Variants in NCOR1 observed in about 807,000 individuals in gnomAD.
NCOR1 encodes the protein nuclear receptor corepressor 1, also known as protein phosphatase 1, regulatory subunit 109.
In NCOR1, 63 loss-of-function variants were observed where a neutral mutation model predicts 288.1. The ratio of observed to expected loss-of-function variants is 0.22; its 90% CI spans 0.18 to 0.27. The LOEUF is 0.27. NCOR1 is among the 10% of genes least tolerant of loss of function. NCOR1 has a pLI of 1.00. For missense variants in NCOR1, 2,397 were observed against 3,019.2 expected, an observed-to-expected ratio of 0.79 and a Z score of 4.83; for synonymous variants, 1,007 against 1,065.9, an observed-to-expected ratio of 0.94 and a Z score of 1.08.
chr17:16,048,380 G>A (rs1055787676), intron 41 of NCOR1, among the ~76,000 whole-genome samples: 4 of 152,180 alleles, frequency 2.6e-5, no homozygotes, highest in Admixed American at 6.5e-5. Context: ...AATCACTCAG[G>A]TGGAGGTATG....
intron 3 of NCOR1, among the ~76,000 whole-genome samples, chr17:16,182,322 G>A (rs530958751): frequency 3.1e-4 from 47 of 152,190 alleles, no homozygotes; most frequent in Admixed American, 1.8e-3. Context: ...GTAATAAAAT[G>A]TATACATATA....
chr17:16,127,263 A>G (rs139723908), intron 14 of NCOR1, among the ~76,000 whole-genome samples: 1,354 of 105,402 alleles, frequency 0.013, 215 homozygotes, highest in African/African-American at 0.042. Flanking sequence ...ATGTGTGTGT[A>G]TATATGTATG....
At chr17:16,151,470 G>T in intron 8 of NCOR1, 1 of 699,380 alleles carries the variant, frequency 1.4e-6, no homozygotes, top group Non-Finnish European at 2.2e-6. Context: ...GATTTCCCTA[G>T]AATAGGATTT....
chr17:16,071,811 G>T, intron 29 of NCOR1, 146 bp from the exon 30 acceptor site: 1 of 742,854 alleles, frequency 1.3e-6, no homozygotes. Context: ...ACATCTTGTA[G>T]TTTCTAATTA....
Position 16,098,356 on chromosome 17 carries a change from T to C in NCOR1, c.2820+11A>G. 1 of 1,612,436 alleles carries C rather than the reference T, an allele frequency of 6.2e-7. No individual in the cohort carries two copies. ...TCATATTTAGTTTTCTTCCTCACAA[T>C]AAAAACTTACCATTGGTGGGATAAC... On this transcript the variant is annotated intron_variant, in intron 21 of 45. Coordinates refer to ENST00000268712, the MANE Select transcript of NCOR1 (RefSeq NM_006311.4).
intron 29 of NCOR1, 137 bp downstream of exon 29, chr17:16,072,008 G>C: frequency 1.5e-6 from 1 of 673,716 alleles, no homozygotes; most frequent in Non-Finnish European, 2.4e-6. Flanking sequence ...CTCAGAGGCA[G>C]AAAAGTAATA....
At position 16,177,318 on chromosome 17, in the gene NCOR1, T is replaced by A. The variant is rs987904935; in HGVS notation, c.243-5323A>T. 2.0e-5 allele frequency among the ~76,000 whole-genome samples: 3 copies of A among 151,310 alleles called. No homozygotes were observed. In the South Asian group the frequency reaches 6.2e-4, roughly 31 times the overall value. ...TTTATATTATTAAGTTCTTTTATAG[T>A]GCATAGCACTTACGAGGCATGCTCT... is the stretch of plus-strand genomic sequence containing the variant. On this transcript the variant is annotated intron_variant, in intron 3 of 45. Transcript: ENST00000268712.
At chr17:16,191,090 C>T (rs1382165910) in intron 2 of NCOR1, among the ~76,000 whole-genome samples, 1 of 152,192 alleles carries the variant, frequency 6.6e-6, no homozygotes, top group African/African-American at 2.4e-5. Flanking sequence ...TAAGCCTATG[C>T]CTGAATTCTA....
At chr17:16,210,698 C>T (rs545318088) in intron 1 of NCOR1, among the ~76,000 whole-genome samples, 1 of 151,784 alleles carries the variant, frequency 6.6e-6, no homozygotes, top group East Asian at 1.9e-4. Context: ...GCTAAATATC[C>T]AAAGTAATCT....
At chr17:16,192,229 G>A (rs1403130112) in intron 2 of NCOR1, 1 of 150,944 alleles carries the variant, frequency 6.6e-6, no homozygotes, top group Non-Finnish European at 1.5e-5. Context: ...AGTAACCAGA[G>A]GAGACCAGAC....
chr17:16,169,271 C>A (rs1465630552), intron 4 of NCOR1, among the ~76,000 whole-genome samples: 5 of 151,566 alleles, frequency 3.3e-5, no homozygotes, highest in Admixed American at 2.0e-4. Flanking sequence ...AGCAAAAAAA[C>A]AACAACAACA....
intron 12 of NCOR1, among the ~76,000 whole-genome samples, chr17:16,138,659 G>A (rs2153263512): frequency 6.6e-6 from 1 of 152,306 alleles, no homozygotes; most frequent in African/African-American, 2.4e-5. Flanking sequence ...AGAATCACTG[G>A]AGACTTTTAA....
chr17:16,175,916 G>C (rs770686462), intron 3 of NCOR1, among the ~76,000 whole-genome samples: 1 of 151,790 alleles, frequency 6.6e-6, no homozygotes, highest in African/African-American at 2.4e-5. Context: ...GGCTGGATTC[G>C]GTCATCAAGA....
chr17:16,144,372 T>C (rs2077556645), intron 10 of NCOR1, among the ~76,000 whole-genome samples: 1 of 152,208 alleles, frequency 6.6e-6, no homozygotes. Context: ...TTCAACAGGA[T>C]AATATAAAAA....
At chr17:16,159,004 G>T in intron 5 of NCOR1, 131 bp from the exon 6 acceptor site, 1 of 510,702 alleles carries the variant, frequency 2.0e-6, no homozygotes, top group Non-Finnish European at 3.5e-6. Context: ...AATCCATGAA[G>T]GTCTCATGGA....
chr17:16,088,070 G>A (rs1202847903), intron 22 of NCOR1, among the ~76,000 whole-genome samples: 2 of 151,998 alleles, frequency 1.3e-5, no homozygotes, highest in Non-Finnish European at 2.9e-5. Context: ...TAGATTTGTA[G>A]CATTTTAATG....
intron 15 of NCOR1, among the ~76,000 whole-genome samples, chr17:16,125,081 C>T (rs1043443464): frequency 2.6e-5 from 4 of 152,156 alleles, no homozygotes; most frequent in Non-Finnish European, 5.9e-5. Flanking sequence ...TCTAAAATTT[C>T]GGCCAGGCGT....
At chr17:16,142,869 T>C (rs1348650470) in intron 11 of NCOR1, among the ~76,000 whole-genome samples, 1 of 152,212 alleles carries the variant, frequency 6.6e-6, no homozygotes, top group Non-Finnish European at 1.5e-5. Flanking sequence ...TTAATTCTGC[T>C]CTTTATACAG....
At chr17:16,192,629 C>G (rs1015870420) in intron 2 of NCOR1, among the ~76,000 whole-genome samples, 1 of 152,120 alleles carries the variant, frequency 6.6e-6, no homozygotes, top group African/African-American at 2.4e-5. Flanking sequence ...GCACTCCAGC[C>G]TGGGTGACAG....
Sources: allele counts gnomAD v4.1 joint callset (sites outside exome capture counted in the v4.1 genomes callset), GRCh38; gene constraint gnomAD v4.1.1; transcripts MANE v1.5; gene names NCBI Gene and HGNC (gene_info 2026-07-23, HGNC 2026-07-21).